The following CUEDC1 variants were observed in gnomAD, a reference collection of about 807,000 sequenced individuals.
CUEDC1 encodes CUE domain containing 1.
In CUEDC1, 30 loss-of-function variants were observed where a neutral mutation model predicts 43.7. The ratio of observed to expected loss-of-function variants is 0.69; its 90% CI spans 0.51 to 0.93. The LOEUF is 0.93. Among genes scored for constraint, CUEDC1 ranks in the 40% least tolerant of loss-of-function variants. CUEDC1 has a pLI of 0.00. For missense variants in CUEDC1, 486 were observed against 549.0 expected (o/e 0.89, Z 1.15); for synonymous variants, 223 against 223.6 (o/e 1.00, Z 0.02).
At chr17:57,917,338 C>G (rs973399786) in intron 1 of CUEDC1, among the ~76,000 whole-genome samples, 1 of 152,238 alleles carries the variant, frequency 6.6e-6, no homozygotes, top group African/African-American at 2.4e-5. Context: ...GGCCTCTTGA[C>G]TGGCACTCAT....
chr17:57,902,838 A>G (rs2074488160), intron 1 of CUEDC1: 1 of 152,240 alleles, frequency 6.6e-6, no homozygotes, highest in Non-Finnish European at 1.5e-5. Context: ...AATCCTATGA[A>G]GTAGGGACTG....
chr17:57,864,076 A>G (rs999684963), intron 10 of CUEDC1, among the ~76,000 whole-genome samples: 1 of 152,082 alleles, frequency 6.6e-6, no homozygotes, highest in East Asian at 1.9e-4. Flanking sequence ...AAATGGAACT[A>G]AAGTGGTGTT....
chr17:57,922,815 G>C (rs547738423), intron 1 of CUEDC1, among the ~76,000 whole-genome samples: 1 of 152,064 alleles, frequency 6.6e-6, no homozygotes, highest in South Asian at 2.1e-4. Flanking sequence ...CCAAAGACAG[G>C]GGTCTAAATC....
intron 1 of CUEDC1, chr17:57,922,484 C>T (rs758583974): frequency 6.6e-6 from 1 of 152,218 alleles, no homozygotes; most frequent in Non-Finnish European, 1.5e-5. Context: ...ATCATTGAAA[C>T]TGACCGAGAA....
At chr17:57,934,559 TAAA>T (rs575832390) in intron 1 of CUEDC1, among the ~76,000 whole-genome samples, 3,703 of 65,272 alleles carry the variant, frequency 0.057, 116 homozygotes, top group Admixed American at 0.17. Context: ...CCTGTCTCTC[TAAA>T]AAAAAAAAAA....
At position 57,888,118 on chromosome 17, in the gene CUEDC1, G is replaced by T. The variant is rs188774095; in HGVS notation, c.-315-2239C>A. 4.6e-3 allele frequency among the ~76,000 whole-genome samples: 698 copies of T among 150,322 alleles called. 7 individuals are homozygous for T. The highest frequency in any genetic ancestry group is 0.016 in the African/African-American group (640 of 40,898). ...GGGTTTTACCATGTTGGCCAGGCTG[G>T]TCTCAACCTCCTGGCCTCAAGTGAT... On this transcript the variant is annotated intron_variant, in intron 1 of 10. Coordinates refer to ENST00000577830, the MANE Select transcript of CUEDC1 (RefSeq NM_001271875.2).
At chr17:57,884,349 C>A (rs1296059104) in intron 2 of CUEDC1, among the ~76,000 whole-genome samples, 1 of 151,810 alleles carries the variant, frequency 6.6e-6, no homozygotes, top group Non-Finnish European at 1.5e-5. Flanking sequence ...AGGTGCGCAC[C>A]ACCACGCCTG....
chr17:57,904,650 C>G (rs1303301375), intron 1 of CUEDC1, among the ~76,000 whole-genome samples: 2 of 152,190 alleles, frequency 1.3e-5, no homozygotes, highest in Non-Finnish European at 2.9e-5. Context: ...TCCTGCACTT[C>G]AGGAGAGCTT....
chr17:57,929,572 G>T (rs2074783546), intron 1 of CUEDC1, among the ~76,000 whole-genome samples: 1 of 152,182 alleles, frequency 6.6e-6, no homozygotes, highest in Non-Finnish European at 1.5e-5. Flanking sequence ...TTAGAACAGG[G>T]TATAGACCAG....
intron 3 of CUEDC1, among the ~76,000 whole-genome samples, chr17:57,877,287 A>T (rs770118232): frequency 3.9e-5 from 6 of 152,232 alleles, no homozygotes; most frequent in Non-Finnish European, 8.8e-5. Context: ...CTGAACACCC[A>T]GCCAGAGTAG....
intron 1 of CUEDC1, among the ~76,000 whole-genome samples, chr17:57,913,245 T>C (rs2074603309): frequency 6.6e-6 from 1 of 151,724 alleles, no homozygotes; most frequent in South Asian, 2.1e-4. Context: ...GGAGAATCGC[T>C]TGAATCCCAG....
chr17:57,935,422 C>CACA (rs2074851982), intron 1 of CUEDC1, among the ~76,000 whole-genome samples: 1 of 151,528 alleles, frequency 6.6e-6, no homozygotes, highest in South Asian at 2.1e-4. Context: ...CACACACACA[C>CACA]CCTGTTGCCT....
intron 1 of CUEDC1, among the ~76,000 whole-genome samples, chr17:57,946,497 C>A (rs1405547397): frequency 7.2e-5 from 11 of 151,966 alleles, no homozygotes; most frequent in Admixed American, 6.6e-5. Context: ...AAAGGATCCA[C>A]CAACATGCAA....
intron 1 of CUEDC1, among the ~76,000 whole-genome samples, chr17:57,897,654 GAAAAAAA>G (rs58748550): frequency 1.1e-4 from 12 of 109,598 alleles, no homozygotes; most frequent in African/African-American, 1.8e-4. Flanking sequence ...TGGTCTCAAT[GAAAAAAA>G]AAAAAAAAAA....
intron 1 of CUEDC1, among the ~76,000 whole-genome samples, chr17:57,900,303 G>C (rs2074457996): frequency 1.3e-5 from 2 of 152,194 alleles, no homozygotes; most frequent in Admixed American, 1.3e-4. Flanking sequence ...GTGGGGGCTG[G>C]GGGAGCCGGT....
intron 1 of CUEDC1, among the ~76,000 whole-genome samples, chr17:57,905,143 G>C (rs2074515017): frequency 6.6e-6 from 1 of 152,060 alleles, no homozygotes; most frequent in South Asian, 2.1e-4. Flanking sequence ...GAGCGAATGA[G>C]GGGGCTGCAT....
chr17:57,924,782 G>T (rs1195954498), intron 1 of CUEDC1, among the ~76,000 whole-genome samples: 5 of 152,228 alleles, frequency 3.3e-5, no homozygotes, highest in Admixed American at 6.5e-5. Context: ...CCACAGCCAG[G>T]TCCCTCCTGC....
intron 1 of CUEDC1, among the ~76,000 whole-genome samples, chr17:57,904,309 G>A (rs1187764799): frequency 6.6e-6 from 1 of 152,100 alleles, no homozygotes. Flanking sequence ...GAAACACTGT[G>A]TCTCGGGCAA....
chr17:57,952,279 T>G (rs1004589601), intron 1 of CUEDC1, among the ~76,000 whole-genome samples: 3 of 151,736 alleles, frequency 2.0e-5, no homozygotes, highest in Non-Finnish European at 4.4e-5. Flanking sequence ...CAGGTTGGAG[T>G]GCAATGGCAC....
Sources: gnomAD v4.1 joint callset for allele counts (sites outside exome capture counted in the v4.1 genomes callset) on GRCh38, gnomAD v4.1.1 for gene constraint, MANE v1.5 for transcripts, NCBI Gene and HGNC (gene_info 2026-07-23, HGNC 2026-07-21) for gene names.